MAN1A1: variants seen among roughly 807,000 people sequenced by gnomAD.
MAN1A1 encodes the protein mannosyl-oligosaccharide 1,2-alpha-mannosidase IA.
A neutral mutation model predicts 70.8 loss-of-function variants in MAN1A1; 29 were observed. The observed-to-expected ratio is 0.41, with a 90% CI of 0.31 to 0.56. The LOEUF (loss-of-function observed/expected upper bound fraction) is 0.56, where lower values mean the gene tolerates loss of function less well. MAN1A1 is among the 20% of genes least tolerant of loss of function. The probability of loss-of-function intolerance (pLI) is 0.29; values close to 1 mark genes in which losing one functional copy is unlikely to be tolerated. For synonymous variants in MAN1A1, 349 were observed against 330.1 expected (o/e 1.06, Z -0.62); for missense variants, 747 against 841.3 (o/e 0.89, Z 1.39).
At chr6:119,282,495 T>A (rs1311271290) in intron 5 of MAN1A1, among the ~76,000 whole-genome samples, 1 of 152,178 alleles carries the variant, frequency 6.6e-6, no homozygotes, top group Non-Finnish European at 1.5e-5. Flanking sequence ...TTACCAATCA[T>A]AATGGAATAG....
chr6:119,180,519 A>ATTT (rs68020138), intron 11 of MAN1A1, 92 bp from the exon 12 acceptor site: 8,886 of 567,420 alleles, frequency 0.016, 4 homozygotes, highest in East Asian at 0.038. Flanking sequence ...CAGATAAAAC[A>ATTT]TTTTTTTTTT....
intron 6 of MAN1A1, among the ~76,000 whole-genome samples, chr6:119,216,126 G>C (rs1291603806): frequency 2.0e-5 from 3 of 152,202 alleles, no homozygotes; most frequent in African/African-American, 7.2e-5. Flanking sequence ...TGCAGGGGCA[G>C]ATTACACAGG....
intron 6 of MAN1A1, among the ~76,000 whole-genome samples, chr6:119,207,172 G>T (rs1773885173): frequency 6.6e-6 from 1 of 152,090 alleles, no homozygotes; most frequent in South Asian, 2.1e-4. Flanking sequence ...ATTTAAAAAG[G>T]GTTAAATTTA....
At chr6:119,283,806 G>C (rs1385487941) in intron 5 of MAN1A1, among the ~76,000 whole-genome samples, 1 of 152,150 alleles carries the variant, frequency 6.6e-6, no homozygotes, top group East Asian at 1.9e-4. Flanking sequence ...AGGCTTTGTA[G>C]GCCAAATCAA....
intron 11 of MAN1A1, 91 bp from the exon 12 acceptor site, chr6:119,180,518 CA>C: frequency 2.9e-6 from 2 of 697,106 alleles, no homozygotes; most frequent in Non-Finnish European, 4.8e-6. Context: ...TCAGATAAAA[CA>C]TTTTTTTTTT....
chr6:119,277,652 T>A (rs901375202), intron 5 of MAN1A1, among the ~76,000 whole-genome samples: 2 of 151,746 alleles, frequency 1.3e-5, no homozygotes, highest in Admixed American at 1.3e-4. Flanking sequence ...TGAGGCCTTA[T>A]CTCTACAAAA....
At chr6:119,211,060 AAAT>A in intron 6 of MAN1A1, 11 of 303,020 alleles carry the variant, frequency 3.6e-5, no homozygotes, top group Non-Finnish European at 6.6e-5. Flanking sequence ...CCATCTTCGG[AAAT>A]AATAATAATA....
intron 5 of MAN1A1, among the ~76,000 whole-genome samples, chr6:119,259,940 A>G (rs534349066): frequency 6.6e-6 from 1 of 152,194 alleles, no homozygotes; most frequent in Non-Finnish European, 1.5e-5. Flanking sequence ...TTGTCTACCC[A>G]GAAATAACTA....
chr6:119,268,477 G>A (rs1243372354), intron 5 of MAN1A1, among the ~76,000 whole-genome samples: 2 of 151,984 alleles, frequency 1.3e-5, no homozygotes, highest in Admixed American at 1.3e-4. Context: ...TATAGGATAA[G>A]GTGGGAAGTT....
upstream of MAN1A1, among the ~76,000 whole-genome samples, chr6:119,350,217 G>T (rs956945556): frequency 6.6e-6 from 1 of 152,178 alleles, no homozygotes; most frequent in African/African-American, 2.4e-5. Context: ...GGAAAGGCGG[G>T]GTCTGGCAGG....
chr6:119,333,079 A>T (rs1405331298), intron 2 of MAN1A1, among the ~76,000 whole-genome samples: 1 of 152,186 alleles, frequency 6.6e-6, no homozygotes, highest in African/African-American at 2.4e-5. Context: ...TCAGCCCCTG[A>T]AAATGCTGTC....
intron 9 of MAN1A1, among the ~76,000 whole-genome samples, chr6:119,191,375 T>A (rs1346050491): frequency 6.6e-6 from 1 of 152,186 alleles, no homozygotes; most frequent in East Asian, 1.9e-4. Flanking sequence ...ATAAAGTATT[T>A]CTGGCATGAT....
intron 2 of MAN1A1, among the ~76,000 whole-genome samples, chr6:119,310,173 G>A (rs1272503539): frequency 6.6e-6 from 1 of 152,174 alleles, no homozygotes; most frequent in East Asian, 1.9e-4. Context: ...GCTGAAGAAA[G>A]AAATACGTTG....
intron 6 of MAN1A1, among the ~76,000 whole-genome samples, chr6:119,237,573 G>T (rs372868815): frequency 6.6e-6 from 1 of 152,020 alleles, no homozygotes; most frequent in Admixed American, 6.6e-5. Context: ...TCCCTCTCTG[G>T]CTAAGGTCTA....
In MAN1A1 at chr6:119,178,848, G is replaced by C. The variant is rs1290368228; in HGVS notation, c.*971C>G. The C allele has an allele frequency of 6.6e-6, 1 of 151,936 alleles. No homozygotes were observed. Among genetic ancestry groups the C allele is most frequent in the Non-Finnish European group, 1.5e-5 (1 of 67,930 alleles). The allele number at this position is 151,936 out of a possible 1,614,324, so 9.4% of individuals were successfully genotyped here. On this transcript the variant is annotated 3_prime_UTR_variant, in exon 13 of 13. Transcript: ENST00000368468. ...AGCCTTTTTCAAATCTGAGAAATCT[G>C]AACCAAATAGAATGCTTTATTTTCC...
chr6:119,182,051 T>C (rs1773166098), intron 11 of MAN1A1, among the ~76,000 whole-genome samples: 1 of 152,228 alleles, frequency 6.6e-6, no homozygotes, highest in South Asian at 2.1e-4. Context: ...GATTACCTCT[T>C]GAATTTTTGA....
At position 119,300,689 on chromosome 6, in the gene MAN1A1, C is replaced by CA. The variant is rs367852673; in HGVS notation, c.816+1298dup. ...AATCAAATAGCTCCATAACCTTGAG[C>CA]AAATCACTAGCTCCTTATGCCTGCT... On this transcript the variant is annotated intron_variant, in intron 4 of 12. Coordinates refer to ENST00000368468, the MANE Select transcript of MAN1A1 (RefSeq NM_005907.4). Among the ~76,000 whole-genome samples the CA allele has an allele frequency of 1.9e-3, 288 of 152,274 alleles. 3 individuals carry two copies. Among genetic ancestry groups the CA allele is most frequent in the African/African-American group, 6.6e-3 (273 of 41,538 alleles).
chr6:119,309,743 A>T (rs1402340513), intron 2 of MAN1A1, among the ~76,000 whole-genome samples: 1 of 152,244 alleles, frequency 6.6e-6, no homozygotes, highest in Admixed American at 6.5e-5. Context: ...GCTGTGTGAA[A>T]GGAAACAAAG....
At chr6:119,181,067 A>G (rs1421897126) in intron 11 of MAN1A1, among the ~76,000 whole-genome samples, 1 of 152,176 alleles carries the variant, frequency 6.6e-6, no homozygotes, top group African/African-American at 2.4e-5. Flanking sequence ...AATCCAGTCC[A>G]CTGTTTATTT....
Sources: allele counts gnomAD v4.1 joint callset (sites outside exome capture counted in the v4.1 genomes callset), GRCh38; gene constraint gnomAD v4.1.1; transcripts MANE v1.5; gene names NCBI Gene and HGNC (gene_info 2026-07-23, HGNC 2026-07-21).